The following LSAMP variants were observed in gnomAD, a reference collection of about 807,000 sequenced individuals.
The protein encoded by LSAMP is limbic system associated membrane protein.
In LSAMP, 7 loss-of-function variants were observed where a neutral mutation model predicts 38.6. That is an observed-to-expected ratio of 0.18 (90% CI 0.10 to 0.34). LSAMP has a LOEUF of 0.34. LSAMP is among the 10% of genes least tolerant of loss of function. LSAMP has a pLI of 1.00. For synonymous variants in LSAMP, 154 were observed against 166.8 expected, an observed-to-expected ratio of 0.92 and a Z score of 0.59; for missense variants, 313 against 420.0, an observed-to-expected ratio of 0.75 and a Z score of 2.23.
chr3:115,889,338 C>T (rs887079403), intron 3 of LSAMP, among the ~76,000 whole-genome samples: 4 of 151,814 alleles, frequency 2.6e-5, no homozygotes, highest in African/African-American at 9.7e-5. Flanking sequence ...TTTCAGAGAC[C>T]TATGAACTCA....
At chr3:116,329,393 G>A (rs143527215) in intron 1 of LSAMP, among the ~76,000 whole-genome samples, 21 of 152,040 alleles carry the variant, frequency 1.4e-4, no homozygotes, top group African/African-American at 4.8e-4. Context: ...TCAGTTGTTC[G>A]TTTCCGACTT....
At chr3:115,965,131 C>T (rs1938755896) in intron 3 of LSAMP, among the ~76,000 whole-genome samples, 1 of 151,814 alleles carries the variant, frequency 6.6e-6, no homozygotes. Flanking sequence ...AGCATACCTA[C>T]TTATAAATAT....
chr3:115,819,416 G>A (rs1934153776), intron 6 of LSAMP, among the ~76,000 whole-genome samples: 1 of 151,678 alleles, frequency 6.6e-6, no homozygotes, highest in Non-Finnish European at 1.5e-5. Flanking sequence ...GCGACAGAGT[G>A]AGACTCTGTC....
At position 115,821,409 on chromosome 3, in the gene LSAMP, A is replaced by T. The variant is rs183591125; in HGVS notation, c.920-10995T>A. Among the ~76,000 whole-genome samples, 130 of 152,336 alleles carry T rather than the reference A, an allele frequency of 8.5e-4. 1 individual carries two copies. The highest frequency in any genetic ancestry group is 3.0e-3 in the African/African-American group (126 of 41,570). ...ACAACTTTTCTCTAATCCTCTACTTATAAGAGTTCATTTGCATTCACATGT... is the reference window on the plus strand; with the variant it reads ...ACAACTTTTCTCTAATCCTCTACTTTTAAGAGTTCATTTGCATTCACATGT... On this transcript the variant is annotated intron_variant, in intron 6 of 6. Coordinates refer to ENST00000490035, the MANE Select transcript of LSAMP (RefSeq NM_002338.5).
intron 3 of LSAMP, among the ~76,000 whole-genome samples, chr3:115,983,358 AT>A (rs1385221850): frequency 6.6e-6 from 1 of 152,070 alleles, no homozygotes; most frequent in African/African-American, 2.4e-5. Context: ...AAAGAAAAAA[AT>A]AATAATAAAT....
At chr3:115,958,597 A>T (rs1938528959) in intron 3 of LSAMP, among the ~76,000 whole-genome samples, 1 of 152,194 alleles carries the variant, frequency 6.6e-6, no homozygotes. Flanking sequence ...AAAGGATGGA[A>T]TTAGAACTCA....
At chr3:115,980,522 A>G (rs1050319415) in intron 3 of LSAMP, among the ~76,000 whole-genome samples, 39 of 152,198 alleles carry the variant, frequency 2.6e-4, no homozygotes, top group African/African-American at 8.9e-4. Flanking sequence ...AGCAGAAAAC[A>G]GTTCTATATT....
At chr3:115,928,693 G>A (rs1336200556) in intron 3 of LSAMP, among the ~76,000 whole-genome samples, 2 of 152,158 alleles carry the variant, frequency 1.3e-5, no homozygotes, top group Admixed American at 6.5e-5. Context: ...GGTGAGGAGG[G>A]GCTGTAAAGG....
At chr3:116,234,625 A>C (rs2046443460) in intron 1 of LSAMP, among the ~76,000 whole-genome samples, 1 of 152,182 alleles carries the variant, frequency 6.6e-6, no homozygotes. Context: ...GAAAACTTAA[A>C]AAAAATTAAA....
Position 116,086,363 on chromosome 3 carries a change from G to A in LSAMP, c.349C>T (p.His117Tyr), listed in dbSNP as rs1265374154. ...GSYTCSVQTQ[H>Y]EPKTSQVYLI... Reference sequence around the variant, plus strand: ...TAAACTTGGGAGGTCTTGGGCTCATGCTGTGTCTGAACTGAGCAAGTGTAG... The same window carrying A: ...TAAACTTGGGAGGTCTTGGGCTCATACTGTGTCTGAACTGAGCAAGTGTAG... The change falls in exon 2 of 7, where the codon CAT becomes TAT. Residue 117 changes from histidine to tyrosine, a missense_variant. Physicochemically the swap from His to Tyr is moderately conservative, Grantham distance 83. Transcript: ENST00000490035. 8 of 1,613,998 alleles carry A rather than the reference G, an allele frequency of 5.0e-6. No homozygotes were observed. The highest frequency in any genetic ancestry group is 1.6e-4 in the Middle Eastern group (1 of 6,084).
intron 3 of LSAMP, among the ~76,000 whole-genome samples, chr3:115,997,455 T>C (rs1450805764): frequency 6.6e-6 from 1 of 151,724 alleles, no homozygotes; most frequent in African/African-American, 2.4e-5. Flanking sequence ...GGGGTGTGTG[T>C]GAGCTAAGGT....
chr3:116,288,796 G>T (rs1234781967), intron 1 of LSAMP, among the ~76,000 whole-genome samples: 1 of 152,016 alleles, frequency 6.6e-6, no homozygotes, highest in African/African-American at 2.4e-5. Flanking sequence ...TTTCATAAGG[G>T]GACCTCAAAC....
intron 1 of LSAMP, among the ~76,000 whole-genome samples, chr3:116,317,919 T>G (rs1284674968): frequency 6.6e-6 from 1 of 151,326 alleles, no homozygotes; most frequent in African/African-American, 2.4e-5. Context: ...GCGGATCACT[T>G]GAGGTCAGGA....
chr3:115,939,568 CTT>C lies in LSAMP; in HGVS notation c.514+79945_514+79946del, dbSNP rs200925232. Among the ~76,000 whole-genome samples the C allele has an allele frequency of 2.8e-3, 163 of 57,722 alleles. 4 individuals carry two copies. The highest frequency in any genetic ancestry group is 0.016 in the East Asian group (11 of 674). 37.9% of individuals were successfully genotyped at this position (57,722 alleles called of 152,430 possible). A position where few individuals can be genotyped will look rare whatever the true frequency, so the allele number is the denominator to read the frequency against. On this transcript the variant is annotated intron_variant, in intron 3 of 6. Transcript: ENST00000490035. ...TCTTTCTTTCTTTCTTTCTTTCTTT[CTT>C]TCTTTCTTTCTTTCTGTTAAGAGAC...
intron 3 of LSAMP, among the ~76,000 whole-genome samples, chr3:115,962,816 G>A (rs1380409186): frequency 6.6e-6 from 1 of 152,180 alleles, no homozygotes; most frequent in Non-Finnish European, 1.5e-5. Flanking sequence ...ACATTGATAT[G>A]TGGTAACTTA....
chr3:116,162,058 A>G (rs1019093834), intron 1 of LSAMP, among the ~76,000 whole-genome samples: 2 of 152,054 alleles, frequency 1.3e-5, no homozygotes, highest in African/African-American at 4.8e-5. Flanking sequence ...AAAGAACATT[A>G]ATGGATCCAC....
chr3:116,185,376 A>G (rs1446272501), intron 1 of LSAMP, among the ~76,000 whole-genome samples: 2 of 151,974 alleles, frequency 1.3e-5, no homozygotes, highest in Non-Finnish European at 2.9e-5. Flanking sequence ...TCTTTTACAG[A>G]TGCTCTGGGT....
At chr3:116,134,948 C>G (rs1158669157) in intron 1 of LSAMP, among the ~76,000 whole-genome samples, 1 of 152,088 alleles carries the variant, frequency 6.6e-6, no homozygotes, top group Non-Finnish European at 1.5e-5. Context: ...GCTGGGCTCT[C>G]AATAATAGTA....
intron 1 of LSAMP, among the ~76,000 whole-genome samples, chr3:116,116,532 T>TAAAA (rs386397689): frequency 9.0e-6 from 1 of 110,816 alleles, no homozygotes; most frequent in Non-Finnish European, 1.9e-5. Context: ...CCATCTCTAC[T>TAAAA]AAAAAAAAAA....
Sources: allele counts gnomAD v4.1 joint callset (sites outside exome capture counted in the v4.1 genomes callset), GRCh38; gene constraint gnomAD v4.1.1; transcripts MANE v1.5; gene names NCBI Gene and HGNC (gene_info 2026-07-23, HGNC 2026-07-21).